Variants in METTL14 observed in about 807,000 individuals in gnomAD.
METTL14 encodes methyltransferase 14, N6-adenosine-methyltransferase non-catalytic subunit.
Under a neutral mutation model 62.4 loss-of-function variants are expected in METTL14, and 32 were observed. The observed-to-expected ratio is 0.51, with a 90% CI of 0.39 to 0.69. METTL14 has a LOEUF of 0.69. METTL14 is among the 30% of genes least tolerant of loss of function. The probability of loss-of-function intolerance (pLI) is 0.00; values close to 1 mark genes in which losing one functional copy is unlikely to be tolerated. For missense variants in METTL14, 340 were observed against 551.9 expected, an observed-to-expected ratio of 0.62 and a Z score of 3.85; for synonymous variants, 150 against 180.0, an observed-to-expected ratio of 0.83 and a Z score of 1.34.
At chr4:118,702,934 A>G (rs1010109771) in intron 8 of METTL14, among the ~76,000 whole-genome samples, 1 of 116,166 alleles carries the variant, frequency 8.6e-6, no homozygotes, top group Non-Finnish European at 1.8e-5. Flanking sequence ...GCTTGTTGGA[A>G]GGTTTTATTA....
At chr4:118,690,657 G>A (rs1724218191) in intron 3 of METTL14, among the ~76,000 whole-genome samples, 1 of 148,700 alleles carries the variant, frequency 6.7e-6, no homozygotes, top group Non-Finnish European at 1.5e-5. Flanking sequence ...TCCAGCCTGG[G>A]CAACAGAGTG....
chr4:118,695,188 G>A (rs1036131997), intron 6 of METTL14, among the ~76,000 whole-genome samples: 1 of 152,054 alleles, frequency 6.6e-6, no homozygotes, highest in South Asian at 2.1e-4. Context: ...GTTCAGAGGG[G>A]GCTCTCAGTT....
chr4:118,685,511 A>G lies in METTL14; in HGVS notation c.-24A>G, dbSNP rs769966408. On this transcript the variant is annotated 5_prime_UTR_variant, in exon 1 of 11. Coordinates refer to ENST00000388822, the MANE Select transcript of METTL14 (RefSeq NM_020961.4). ...CACTGGAGATTGACAAGTACTCGGG[A>G]TAGTGAAAAGCCGGAGTTGGAACAT... The G allele has an allele frequency of 4.3e-5, 69 of 1,612,350 alleles. No homozygotes were observed. Among genetic ancestry groups the G allele is most frequent in the Non-Finnish European group, 5.9e-5 (69 of 1,178,448 alleles).
At chr4:118,699,349 A>G (rs1242071275) in intron 7 of METTL14, among the ~76,000 whole-genome samples, 1 of 152,144 alleles carries the variant, frequency 6.6e-6, no homozygotes, top group African/African-American at 2.4e-5. Flanking sequence ...TTCCCTGTTT[A>G]AAGTGTTATC....
intron 1 of METTL14, among the ~76,000 whole-genome samples, chr4:118,686,369 T>G (rs1724059044): frequency 6.6e-6 from 1 of 152,246 alleles, no homozygotes; most frequent in African/African-American, 2.4e-5. Context: ...AAATACAGAT[T>G]GTGCACAGTT....
Position 118,685,582 on chromosome 4 carries a change from A to G in METTL14, c.48A>G (p.Arg16=). Residue 16 remains arginine (R), a synonymous_variant, in exon 1 of 11, where the codon CGA becomes CGG. Transcript: ENST00000388822. ...TCCGGGAGCGGCAGAAGTTACGGCG[A>G]CAGCTCCTCGCGCAGCAGGTCCGCG... ...QEIRERQKLR[R]QLLAQQLGAE... is the part of the protein sequence containing the mutation. The G allele has an allele frequency of 1.2e-6, 2 of 1,614,132 alleles. No individual in the cohort carries two copies. Among genetic ancestry groups the G allele is most frequent in the Non-Finnish European group, 1.7e-6 (2 of 1,180,014 alleles).
chr4:118,690,677 CA>C (rs1046821905), intron 3 of METTL14, among the ~76,000 whole-genome samples: 3,678 of 74,894 alleles, frequency 0.049, 43 homozygotes, highest in Non-Finnish European at 0.064. Context: ...GACTCTGTCT[CA>C]AAAAAAAAAA....
At chr4:118,685,857 TC>T (rs1322464871) in intron 1 of METTL14, among the ~76,000 whole-genome samples, 1 of 152,080 alleles carries the variant, frequency 6.6e-6, no homozygotes, top group Non-Finnish European at 1.5e-5. Context: ...TTTGTGGAAC[TC>T]CCACCGAGTG....
intron 2 of METTL14, among the ~76,000 whole-genome samples, 199 bp downstream of exon 2, chr4:118,688,210 C>G (rs1175336891): frequency 6.6e-6 from 1 of 151,768 alleles, no homozygotes; most frequent in African/African-American, 2.4e-5. Flanking sequence ...AGGTGGATCA[C>G]TTGAGCCCAG....
intron 10 of METTL14, 118 bp from the exon 11 acceptor site, chr4:118,709,880 T>C (rs994841877): frequency 1.1e-6 from 1 of 940,746 alleles, no homozygotes; most frequent in South Asian, 1.7e-5. Flanking sequence ...AAGAGATCAG[T>C]ATTGGATGAA....
chr4:118,709,090 A>T (rs2110411658), intron 10 of METTL14, among the ~76,000 whole-genome samples: 1 of 152,356 alleles, frequency 6.6e-6, no homozygotes, highest in East Asian at 1.9e-4. Context: ...TCATGTAAGA[A>T]ATATATTTGA....
rs1050121883 is a variant in METTL14, at chr4:118,714,544, TAAAA to T, written c.*4247_*4250del. On this transcript the variant is annotated 3_prime_UTR_variant, in exon 11 of 11. Transcript: ENST00000388822. ...TTGCTTACATTTGCATTCATAGAAC[TAAAA>T]AAAATTTAACTTGGCTAACAAAATA... 6.6e-6 allele frequency: 1 copy of T among 152,142 alleles called. No individual in the cohort carries two copies. The highest frequency in any genetic ancestry group is 6.6e-5 in the Admixed American group (1 of 15,264). 9.4% of individuals were successfully genotyped at this position (152,142 alleles called of 1,614,324 possible).
chr4:118,691,987 C>G lies in METTL14; in HGVS notation c.331C>G (p.Gln111Glu). The G allele has an allele frequency of 6.2e-7, 1 of 1,604,612 alleles. No individual in the cohort carries two copies. Residue 111 changes from glutamine to glutamate, a missense_variant, in exon 5 of 11, where the codon CAG (glutamine) becomes GAG (glutamate). Coordinates refer to ENST00000388822, the MANE Select transcript of METTL14 (RefSeq NM_020961.4). The part of the protein sequence containing the change: ...KDSSTFLKGT[Q>E]SLNPHNDYCQ... ...ATTTTGTTTTTTAATTTAGGGAACA[C>G]AGAGCTTAAATCCCCATAATGATTA...
chr4:118,707,465 A>G (rs1560885250), intron 10 of METTL14, among the ~76,000 whole-genome samples: 2 of 151,988 alleles, frequency 1.3e-5, no homozygotes, highest in Non-Finnish European at 2.9e-5. Flanking sequence ...GGAGTTTGAG[A>G]CCAGCCTGGG....
At chr4:118,692,104 C>T (rs749467392) in intron 5 of METTL14, 36 bp downstream of exon 5, 1 of 1,179,706 alleles carries the variant, frequency 8.5e-7, no homozygotes, top group African/African-American at 1.6e-5. Flanking sequence ...CTATTGCTGA[C>T]TCTCAATTAC....
At position 118,693,128 on chromosome 4, in the gene METTL14, A is replaced by G. The variant is rs151098283; in HGVS notation, c.412+1060A>G. ...TTACTAACAACGTATGATGGTTCCA[A>G]TTTCTTCACATCTTTGGCACTTACT... On this transcript the variant is annotated intron_variant, in intron 5 of 10. Coordinates refer to ENST00000388822, the MANE Select transcript of METTL14 (RefSeq NM_020961.4). Among the ~76,000 whole-genome samples, 256 of 152,238 alleles carry G rather than the reference A, an allele frequency of 1.7e-3. 2 individuals carry two copies. The highest frequency in any genetic ancestry group is 5.8e-3 in the African/African-American group (241 of 41,538).
At chr4:118,698,946 G>A (rs544707823) in intron 7 of METTL14, among the ~76,000 whole-genome samples, 1 of 152,032 alleles carries the variant, frequency 6.6e-6, no homozygotes. Context: ...CAGTAAAGCC[G>A]GGAAAACATT....
intron 8 of METTL14, among the ~76,000 whole-genome samples, chr4:118,701,174 T>G (rs562666095): frequency 1.1e-4 from 12 of 111,562 alleles, no homozygotes; most frequent in African/African-American, 3.9e-4. Context: ...TTTATTGGAG[T>G]TTTTTTTTGT....
In METTL14 at chr4:118,710,939, T is replaced by C. The variant is rs601834; in HGVS notation, c.*637T>C. On this transcript the variant is annotated 3_prime_UTR_variant, in exon 11 of 11. Coordinates refer to ENST00000388822, the MANE Select transcript of METTL14 (RefSeq NM_020961.4). ...CAGACTTAAAAAAAAAAAAAAAGTT[T>C]ATCATCATAATCTCAATTTTGTGGC... 0.97 allele frequency: 147,994 copies of C among 151,826 alleles called. 72,171 individuals carry two copies. Among genetic ancestry groups the C allele is most frequent in the East Asian group, 1 (5,168 of 5,168 alleles). The allele number at this position is 151,826 out of a possible 1,614,324, so 9.4% of individuals were successfully genotyped here.
Sources: gnomAD v4.1 joint callset for allele counts (sites outside exome capture counted in the v4.1 genomes callset) on GRCh38, gnomAD v4.1.1 for gene constraint, MANE v1.5 for transcripts, NCBI Gene and HGNC (gene_info 2026-07-23, HGNC 2026-07-21) for gene names.